The following NELL1 variants were observed in gnomAD, a reference collection of about 807,000 sequenced individuals.
NELL1 encodes the protein protein kinase C-binding protein NELL1.
In NELL1, 76 loss-of-function variants were observed where a neutral mutation model predicts 107.4. The ratio of observed to expected loss-of-function variants is 0.71; its 90% CI spans 0.59 to 0.86. The LOEUF is 0.86. NELL1 is among the 40% of genes least tolerant of loss of function. The probability of loss-of-function intolerance (pLI) is 0.00; values close to 1 mark genes in which losing one functional copy is unlikely to be tolerated. For synonymous variants in NELL1, 353 were observed against 341.2 expected (o/e 1.03, Z -0.38); for missense variants, 1,024 against 1,005.5 (o/e 1.02, Z -0.25).
intron 12 of NELL1, among the ~76,000 whole-genome samples, chr11:20,988,692 G>A (rs912532890): frequency 1.3e-5 from 2 of 151,358 alleles, no homozygotes; most frequent in Non-Finnish European, 1.5e-5. Context: ...CCGGGTTCAC[G>A]CCATTCTCCT....
Position 21,516,470 on chromosome 11 carries a change from G to A in NELL1, c.1646-17904G>A, listed in dbSNP as rs191906776. ...AAGAAATGCATCATTAGGCCATTTC[G>A]TCCTTGTGCAAACATCAGAGAGTAC... On this transcript the variant is annotated intron_variant, in intron 15 of 19. Transcript: ENST00000357134. 7.2e-5 allele frequency among the ~76,000 whole-genome samples: 11 copies of A among 152,078 alleles called. No homozygotes were observed. The East Asian group carries it at 2.1e-3, about 29-fold the overall frequency.
chr11:21,352,878 G>A (rs543423630), intron 14 of NELL1, among the ~76,000 whole-genome samples: 1 of 152,162 alleles, frequency 6.6e-6, no homozygotes, highest in Non-Finnish European at 1.5e-5. Flanking sequence ...GGATGAAGCC[G>A]TGAGATGCCA....
chr11:20,853,290 A>C (rs1564934641), intron 4 of NELL1, among the ~76,000 whole-genome samples: 1 of 152,230 alleles, frequency 6.6e-6, no homozygotes, highest in Non-Finnish European at 1.5e-5. Flanking sequence ...TCCATGTTTC[A>C]TATTTGAAGC....
At chr11:21,095,712 G>C (rs1854625884) in intron 12 of NELL1, among the ~76,000 whole-genome samples, 1 of 152,108 alleles carries the variant, frequency 6.6e-6, no homozygotes, top group South Asian at 2.1e-4. Flanking sequence ...CTGGGTTCAA[G>C]TGATTCTCCT....
intron 12 of NELL1, among the ~76,000 whole-genome samples, chr11:20,977,333 C>G (rs970315123): frequency 6.7e-6 from 1 of 148,206 alleles, no homozygotes; most frequent in African/African-American, 2.5e-5. Flanking sequence ...GGTGCCATAT[C>G]GCCTCACTGC....
chr11:21,258,264 A>G (rs994717565), intron 14 of NELL1, among the ~76,000 whole-genome samples: 6 of 152,018 alleles, frequency 3.9e-5, no homozygotes, highest in African/African-American at 1.4e-4. Flanking sequence ...CTGTTTCTTG[A>G]TAACATCCTA....
chr11:20,849,481 C>G (rs1848758943), intron 4 of NELL1, among the ~76,000 whole-genome samples: 1 of 152,172 alleles, frequency 6.6e-6, no homozygotes, highest in African/African-American at 2.4e-5. Context: ...TCATGGAAAC[C>G]ATGACCTCTC....
rs1348677400 is a variant in NELL1 at position 20,956,235 on chromosome 11, A to G, written c.1172-4197A>G. 2.0e-5 allele frequency among the ~76,000 whole-genome samples: 3 copies of G among 151,978 alleles called. No homozygotes were observed. The East Asian group carries it at 5.8e-4, about 30-fold the overall frequency. ...CTTCGTCTCAAAACAAAACAAAACAACCATGGTCAATATGTCAAAAATATA... is the reference window on the plus strand; with the variant it reads ...CTTCGTCTCAAAACAAAACAAAACAGCCATGGTCAATATGTCAAAAATATA... On this transcript the variant is annotated intron_variant, in intron 11 of 19. Coordinates refer to ENST00000357134, the MANE Select transcript of NELL1 (RefSeq NM_006157.5).
At chr11:20,995,845 T>C (rs1852080201) in intron 12 of NELL1, among the ~76,000 whole-genome samples, 1 of 152,158 alleles carries the variant, frequency 6.6e-6, no homozygotes, top group South Asian at 2.1e-4. Context: ...CTCACTGGAA[T>C]GCTACGGAAT....
At chr11:20,848,554 T>C (rs1366083354) in intron 4 of NELL1, among the ~76,000 whole-genome samples, 2 of 152,010 alleles carry the variant, frequency 1.3e-5, no homozygotes, top group Non-Finnish European at 2.9e-5. Context: ...ATTACAGAGT[T>C]TTTTTTTGCA....
chr11:21,546,704 C>G (rs573343393), intron 16 of NELL1, among the ~76,000 whole-genome samples: 26 of 152,096 alleles, frequency 1.7e-4, no homozygotes, highest in African/African-American at 6.0e-4. Context: ...TCAATTAAAC[C>G]TCTTTTCTTT....
chr11:21,209,396 T>C (rs1857454580), intron 13 of NELL1, among the ~76,000 whole-genome samples: 1 of 149,832 alleles, frequency 6.7e-6, no homozygotes, highest in Non-Finnish European at 1.5e-5. Context: ...AAATAAATGG[T>C]TTTTTTCAAT....
intron 2 of NELL1, among the ~76,000 whole-genome samples, chr11:20,780,365 A>T (rs1023629415): frequency 2.0e-5 from 3 of 152,246 alleles, no homozygotes; most frequent in Admixed American, 1.3e-4. Context: ...TTTCCAAAAG[A>T]TATATTACTT....
At chr11:21,217,531 T>A (rs945175708) in intron 13 of NELL1, among the ~76,000 whole-genome samples, 1 of 152,130 alleles carries the variant, frequency 6.6e-6, no homozygotes, top group Non-Finnish European at 1.5e-5. Context: ...CATAGTAAAG[T>A]GGACTTTTAG....
At chr11:21,180,505 T>C (rs1856805014) in intron 13 of NELL1, among the ~76,000 whole-genome samples, 1 of 151,752 alleles carries the variant, frequency 6.6e-6, no homozygotes, top group Non-Finnish European at 1.5e-5. Context: ...GAGTAGACAA[T>C]TTTTCTTTCT....
At chr11:20,751,773 A>G (rs187190620) in intron 2 of NELL1, among the ~76,000 whole-genome samples, 2 of 152,306 alleles carry the variant, frequency 1.3e-5, no homozygotes, top group African/African-American at 4.8e-5. Flanking sequence ...TACAGACGTT[A>G]ATCACCATGG....
chr11:21,553,846 A>C (rs561479647), intron 16 of NELL1, among the ~76,000 whole-genome samples: 1 of 152,024 alleles, frequency 6.6e-6, no homozygotes, highest in Admixed American at 6.6e-5. Context: ...GCAGCATAAA[A>C]TTAAAATACA....
intron 13 of NELL1, among the ~76,000 whole-genome samples, chr11:21,168,528 A>G (rs554296957): frequency 6.6e-6 from 1 of 151,764 alleles, no homozygotes; most frequent in Non-Finnish European, 1.5e-5. Context: ...ATTTTATCTA[A>G]TACTTCCTCA....
chr11:20,940,799 C>G (rs921402108), intron 10 of NELL1, among the ~76,000 whole-genome samples: 1 of 152,144 alleles, frequency 6.6e-6, no homozygotes, highest in Admixed American at 6.6e-5. Context: ...TCTTTGGAGA[C>G]CAGCTGTCAT....
Sources: gnomAD v4.1 joint callset for allele counts (sites outside exome capture counted in the v4.1 genomes callset) on GRCh38, gnomAD v4.1.1 for gene constraint, MANE v1.5 for transcripts, NCBI Gene and HGNC (gene_info 2026-07-23, HGNC 2026-07-21) for gene names.